The following STIM1 variants were observed in gnomAD, a reference collection of about 807,000 sequenced individuals.
The protein encoded by STIM1 is stromal interaction molecule 1.
STIM1 carries 25 observed loss-of-function variants against 74.7 expected under a neutral mutation model. The observed-to-expected ratio is 0.33, with a 90% confidence interval of 0.24 to 0.47. The LOEUF (loss-of-function observed/expected upper bound fraction) is 0.47. STIM1 is among the 20% of genes least tolerant of loss of function. The probability of loss-of-function intolerance (pLI) is 1.00; values close to 1 mark genes in which losing one functional copy is unlikely to be tolerated. For missense variants in STIM1, 728 were observed against 920.8 expected (o/e 0.79, Z 2.71); for synonymous variants, 328 against 348.8 (o/e 0.94, Z 0.66).
intron 6 of STIM1, among the ~76,000 whole-genome samples, chr11:4,070,490 G>A (rs1042369150): frequency 2.0e-5 from 3 of 152,080 alleles, no homozygotes; most frequent in African/African-American, 7.2e-5. Flanking sequence ...CTTGTTATGG[G>A]GTCATTCTTC....
intron 1 of STIM1, chr11:3,867,412 T>A (rs1027144522): frequency 2.0e-5 from 3 of 152,250 alleles, no homozygotes; most frequent in African/African-American, 7.2e-5. Context: ...CTGCTCCCTG[T>A]CTTTGGTTCC....
intron 3 of STIM1, among the ~76,000 whole-genome samples, chr11:4,032,783 A>T (rs1004014879): frequency 3.3e-5 from 5 of 152,224 alleles, no homozygotes; most frequent in Admixed American, 2.6e-4. Context: ...GCTGTTGTAT[A>T]TGGTATTTTT....
At chr11:3,989,431 C>T (rs1180067053) in intron 2 of STIM1, 3 of 725,176 alleles carry the variant, frequency 4.1e-6, no homozygotes, top group Non-Finnish European at 7.8e-6. Context: ...CTTGGCGGCC[C>T]CTTCCGCGGA....
chr11:3,996,366 TTC>T (rs1216955196), intron 2 of STIM1, among the ~76,000 whole-genome samples: 8 of 152,336 alleles, frequency 5.3e-5, no homozygotes, highest in Non-Finnish European at 7.3e-5. Context: ...GGCTCCAGTA[TTC>T]TTAGTGGCAC....
At chr11:4,059,455 G>C in intron 5 of STIM1, 59 bp downstream of exon 5, 1 of 1,470,216 alleles carries the variant, frequency 6.8e-7, no homozygotes, top group Non-Finnish European at 9.5e-7. Context: ...CTGTTGTAGT[G>C]GATAGGCTAA....
chr11:4,071,223 G>A (rs2094401585), intron 6 of STIM1, among the ~76,000 whole-genome samples: 1 of 151,964 alleles, frequency 6.6e-6, no homozygotes, highest in Non-Finnish European at 1.5e-5. Context: ...TTCGAGAAGA[G>A]GAGAGGTCTA....
At chr11:3,905,640 G>A (rs1259407535) in intron 1 of STIM1, among the ~76,000 whole-genome samples, 1 of 152,160 alleles carries the variant, frequency 6.6e-6, no homozygotes, top group East Asian at 1.9e-4. Flanking sequence ...AGATACATTA[G>A]ACACATCTCT....
intron 1 of STIM1, among the ~76,000 whole-genome samples, chr11:3,896,238 A>G (rs2092171171): frequency 6.6e-6 from 1 of 152,006 alleles, no homozygotes. Flanking sequence ...TATATGTGGG[A>G]CAAGGGGAAA....
At chr11:4,039,514 A>T (rs770566965) in intron 3 of STIM1, among the ~76,000 whole-genome samples, 223 of 140,554 alleles carry the variant, frequency 1.6e-3, no homozygotes, top group Non-Finnish European at 2.6e-3. Context: ...TGAACCCAGG[A>T]GGCAGAGGTT....
chr11:4,027,288 T>C (rs1337360584), intron 3 of STIM1, among the ~76,000 whole-genome samples: 2 of 152,116 alleles, frequency 1.3e-5, no homozygotes, highest in African/African-American at 2.4e-5. Flanking sequence ...CAGCAGAGAC[T>C]AGGGGATTCG....
At chr11:4,087,357 C>G (rs550651669) in intron 12 of STIM1, among the ~76,000 whole-genome samples, 14 of 152,222 alleles carry the variant, frequency 9.2e-5, no homozygotes, top group African/African-American at 3.4e-4. Flanking sequence ...CAGTGTGTAC[C>G]TGGGTGGAAT....
chr11:4,020,709 C>T (rs995583003), intron 2 of STIM1, among the ~76,000 whole-genome samples: 2 of 152,042 alleles, frequency 1.3e-5, no homozygotes, highest in African/African-American at 4.8e-5. Flanking sequence ...TGACCTCAGG[C>T]TCTAGCTTCA....
intron 1 of STIM1, among the ~76,000 whole-genome samples, chr11:3,860,978 G>T (rs898244118): frequency 3.9e-5 from 6 of 152,126 alleles, no homozygotes; most frequent in Admixed American, 1.3e-4. Context: ...GGTTAAAAGC[G>T]ATCTGTGTGG....
At chr11:4,049,068 A>G (rs2094216645) in intron 3 of STIM1, among the ~76,000 whole-genome samples, 1 of 152,160 alleles carries the variant, frequency 6.6e-6, no homozygotes, top group Admixed American at 6.5e-5. Flanking sequence ...TTTTATGACT[A>G]TTCATTAAAA....
chr11:4,016,868 C>A (rs906805678), intron 2 of STIM1, among the ~76,000 whole-genome samples: 3 of 152,238 alleles, frequency 2.0e-5, no homozygotes, highest in African/African-American at 7.2e-5. Flanking sequence ...GTGTGGGACC[C>A]GCCGAGCCAG....
In STIM1 at chr11:3,992,252, A is replaced by C. The variant is rs1295288798; in HGVS notation, c.270+24570A>C. Among the ~76,000 whole-genome samples, 4 of 151,376 alleles carry C rather than the reference A, an allele frequency of 2.6e-5. No homozygotes were observed. In the East Asian group the frequency reaches 7.8e-4, roughly 29 times the overall value. On this transcript the variant is annotated intron_variant, in intron 2 of 12. Transcript: ENST00000526596. The stretch of plus-strand genomic sequence containing the variant: ...GGCAGAACTTGGTCTCTACAAAAAA[A>C]AAAACACAAAAATTAGCTAGGCATG...
In STIM1 at chr11:4,062,234, A is replaced by C. The variant is rs7925537; in HGVS notation, c.613+2838A>C. Among the ~76,000 whole-genome samples, 828 of 152,368 alleles carry C rather than the reference A, an allele frequency of 5.4e-3. 7 individuals carry two copies. Among genetic ancestry groups the C allele is most frequent in the African/African-American group, 0.019 (796 of 41,588 alleles). On this transcript the variant is annotated intron_variant, in intron 5 of 12. Transcript: ENST00000526596. Reference sequence around the variant, plus strand: ...CCAAAATAAAAAAGTTTTATACTTCAAAGAATGTACCAAGAAAGTGAAAAG... The same window carrying C: ...CCAAAATAAAAAAGTTTTATACTTCCAAGAATGTACCAAGAAAGTGAAAAG...
intron 2 of STIM1, among the ~76,000 whole-genome samples, chr11:4,021,793 A>G (rs570781608): frequency 1.3e-5 from 2 of 152,278 alleles, no homozygotes; most frequent in Admixed American, 1.3e-4. Flanking sequence ...TTTTAACAAT[A>G]TTAATTCTTC....
intron 3 of STIM1, among the ~76,000 whole-genome samples, chr11:4,055,318 A>G (rs2094279714): frequency 6.6e-6 from 1 of 152,166 alleles, no homozygotes; most frequent in African/African-American, 2.4e-5. Context: ...CCAGCTAACC[A>G]TTGATCTGCT....
Sources: allele counts gnomAD v4.1 joint callset (sites outside exome capture counted in the v4.1 genomes callset), GRCh38; gene constraint gnomAD v4.1.1; transcripts MANE v1.5; gene names NCBI Gene and HGNC (gene_info 2026-07-23, HGNC 2026-07-21).